The following PSD3 variants were observed in gnomAD, a reference collection of about 807,000 sequenced individuals.
PSD3 encodes the protein PH and SEC7 domain-containing protein 3.
In PSD3, 49 loss-of-function variants were observed where a neutral mutation model predicts 105.5. That is an observed-to-expected ratio of 0.46 (90% confidence interval 0.37 to 0.59). The LOEUF is 0.59. Among genes scored for constraint, PSD3 ranks in the 20% least tolerant of loss-of-function variants. The pLI is 0.00. For synonymous variants in PSD3, 557 were observed against 457.8 expected, an observed-to-expected ratio of 1.22 and a Z score of -2.77; for missense variants, 1,561 against 1,263.8, an observed-to-expected ratio of 1.24 and a Z score of -3.57.
intron 10 of PSD3, among the ~76,000 whole-genome samples, chr8:18,649,239 C>A (rs1808290590): frequency 1.3e-5 from 2 of 152,194 alleles, no homozygotes; most frequent in African/African-American, 4.8e-5. Flanking sequence ...ACCGCAGGGA[C>A]TGAACTCTGG....
chr8:18,797,689 A>G (rs77655497), intron 8 of PSD3, among the ~76,000 whole-genome samples: 2,396 of 152,308 alleles, frequency 0.016, 85 homozygotes, highest in East Asian at 0.12. Context: ...TAAAAATGCA[A>G]TCTAGGATTT....
chr8:18,600,336 G>A (rs972213269), intron 12 of PSD3, 28 bp downstream of exon 12: 3 of 1,569,766 alleles, frequency 1.9e-6, no homozygotes, highest in South Asian at 1.1e-5. Flanking sequence ...ATCGAGTTTT[G>A]TGGATTTTTT....
At chr8:19,065,098 C>T (rs1829032943) in intron 1 of PSD3, among the ~76,000 whole-genome samples, 1 of 152,186 alleles carries the variant, frequency 6.6e-6, no homozygotes, top group Non-Finnish European at 1.5e-5. Flanking sequence ...AAGGAAGTCC[C>T]CTCTGTTTTA....
intron 9 of PSD3, among the ~76,000 whole-genome samples, chr8:18,727,650 T>C (rs1803435513): frequency 1.3e-5 from 2 of 152,012 alleles, no homozygotes; most frequent in Non-Finnish European, 2.9e-5. Context: ...TACTACACTA[T>C]TCCAGGCTGG....
intron 4 of PSD3, chr8:18,808,709 C>T (rs1586080894): frequency 1.2e-6 from 2 of 1,613,348 alleles, no homozygotes; most frequent in East Asian, 4.5e-5. Flanking sequence ...GGAATTGCTC[C>T]TTTTAAATCA....
chr8:18,789,864 C>T (rs145759513), intron 8 of PSD3, among the ~76,000 whole-genome samples: 1 of 152,302 alleles, frequency 6.6e-6, no homozygotes, highest in African/African-American at 2.4e-5. Context: ...TAGAATTTGA[C>T]CTGCTTTCCT....
chr8:18,968,477 C>T (rs1824423865), intron 1 of PSD3, among the ~76,000 whole-genome samples: 1 of 152,226 alleles, frequency 6.6e-6, no homozygotes, highest in South Asian at 2.1e-4. Context: ...ACCTTCGACG[C>T]CAGTTTTCAC....
intron 2 of PSD3, among the ~76,000 whole-genome samples, chr8:18,930,096 A>G (rs968909999): frequency 1.3e-5 from 2 of 152,170 alleles, no homozygotes; most frequent in South Asian, 2.1e-4. Flanking sequence ...GAGAGGACAA[A>G]TATTTTCAGA....
intron 12 of PSD3, among the ~76,000 whole-genome samples, chr8:18,584,203 G>C (rs942389757): frequency 6.6e-6 from 1 of 152,170 alleles, no homozygotes; most frequent in African/African-American, 2.4e-5. Context: ...GTGAAAGAGT[G>C]GCTGGAGCCA....
intron 14 of PSD3, among the ~76,000 whole-genome samples, chr8:18,571,104 G>A (rs568431031): frequency 9.2e-5 from 14 of 152,076 alleles, no homozygotes; most frequent in African/African-American, 3.1e-4. Flanking sequence ...CAGGTGATCT[G>A]CCCACCTCGG....
chr8:18,657,713 A>T (rs1242858525), intron 9 of PSD3, among the ~76,000 whole-genome samples: 2 of 152,212 alleles, frequency 1.3e-5, no homozygotes, highest in Non-Finnish European at 2.9e-5. Context: ...AACGCCTTTT[A>T]AATGAATTAT....
intron 1 of PSD3, among the ~76,000 whole-genome samples, chr8:19,044,056 C>T (rs1218291716): frequency 1.3e-5 from 2 of 152,170 alleles, no homozygotes; most frequent in Admixed American, 6.5e-5. Flanking sequence ...CTGCACAGGC[C>T]TCAGAGCCAC....
chr8:18,720,053 C>A (rs1802853126), intron 9 of PSD3, among the ~76,000 whole-genome samples: 1 of 152,090 alleles, frequency 6.6e-6, no homozygotes, highest in African/African-American at 2.4e-5. Flanking sequence ...ATTCCATGGG[C>A]AGTTATGACT....
At chr8:18,611,767 G>C (rs1250342213) in intron 11 of PSD3, among the ~76,000 whole-genome samples, 1 of 78,426 alleles carries the variant, frequency 1.3e-5, no homozygotes, top group Admixed American at 1.2e-4. Context: ...TAAGGGACCT[G>C]GATGGATCAC....
intron 1 of PSD3, among the ~76,000 whole-genome samples, chr8:19,070,671 C>T (rs1269750827): frequency 6.6e-6 from 1 of 152,072 alleles, no homozygotes; most frequent in Non-Finnish European, 1.5e-5. Context: ...AAGTGAGACT[C>T]TGTCTCAAAA....
intron 9 of PSD3, among the ~76,000 whole-genome samples, chr8:18,699,939 C>A (rs1801478478): frequency 6.6e-6 from 1 of 151,896 alleles, no homozygotes; most frequent in Admixed American, 6.6e-5. Flanking sequence ...AGCCCATTGG[C>A]AACTGATTAA....
At chr8:18,539,739 G>C (rs1293972247) in intron 15 of PSD3, among the ~76,000 whole-genome samples, 1 of 151,786 alleles carries the variant, frequency 6.6e-6, no homozygotes, top group African/African-American at 2.4e-5. Context: ...GTAGAGACAG[G>C]ATTTCACCAT....
intron 4 of PSD3, among the ~76,000 whole-genome samples, 182 bp from the exon 5 acceptor site, chr8:18,805,080 G>A (rs755277398): frequency 1.3e-5 from 2 of 152,134 alleles, no homozygotes; most frequent in Non-Finnish European, 2.9e-5. Context: ...AGAACAGATT[G>A]CCTAAATCTT....
intron 8 of PSD3, among the ~76,000 whole-genome samples, chr8:18,784,142 A>G (rs1374227231): frequency 6.6e-6 from 1 of 151,930 alleles, no homozygotes; most frequent in Admixed American, 6.6e-5. Flanking sequence ...CACTTTAAAG[A>G]TTACTCTCCT....
Sources: gnomAD v4.1 joint callset for allele counts (sites outside exome capture counted in the v4.1 genomes callset) on GRCh38, gnomAD v4.1.1 for gene constraint, MANE v1.5 for transcripts, NCBI Gene and HGNC (gene_info 2026-07-23, HGNC 2026-07-21) for gene names.